TENM2: variants seen among roughly 807,000 people sequenced by gnomAD.
The protein encoded by TENM2 is teneurin transmembrane protein 2.
Under a neutral mutation model 245.2 loss-of-function variants are expected in TENM2, and 52 were observed. The ratio of observed to expected loss-of-function variants is 0.21; its 90% confidence interval spans 0.17 to 0.27. TENM2 has a LOEUF of 0.27. Among genes scored for constraint, TENM2 ranks in the 10% least tolerant of loss-of-function variants. The probability of loss-of-function intolerance (pLI) is 1.00; values close to 1 mark genes in which losing one functional copy is unlikely to be tolerated. For missense variants in TENM2, 3,046 were observed against 3,666.8 expected, an observed-to-expected ratio of 0.83 and a Z score of 4.37; for synonymous variants, 1,363 against 1,438.9, an observed-to-expected ratio of 0.95 and a Z score of 1.19.
chr5:168,262,886 A>G, exon 29 of TENM2: 1 of 1,358,288 alleles, frequency 7.4e-7, no homozygotes, highest in Non-Finnish European at 1.0e-6. Flanking sequence ...AAGGAGATGA[A>G]GACCTAACAG....
intron 3 of TENM2, among the ~76,000 whole-genome samples, chr5:167,921,250 T>C (rs1777347993): frequency 6.6e-6 from 1 of 152,254 alleles, no homozygotes; most frequent in South Asian, 2.1e-4. Context: ...ATATATTTAT[T>C]ACATTTGGAT....
At chr5:167,666,059 C>T (rs1033621066) in intron 2 of TENM2, among the ~76,000 whole-genome samples, 3 of 152,176 alleles carry the variant, frequency 2.0e-5, no homozygotes, top group South Asian at 2.1e-4. Flanking sequence ...AGGCGATTCC[C>T]GTCAGCAAAG....
intron 6 of TENM2, among the ~76,000 whole-genome samples, chr5:168,050,234 C>G (rs1788957528): frequency 6.6e-6 from 1 of 152,154 alleles, no homozygotes; most frequent in Admixed American, 6.5e-5. Flanking sequence ...GATCAGATCT[C>G]TTCTTAAGTG....
intron 9 of TENM2, among the ~76,000 whole-genome samples, chr5:168,109,310 A>G (rs1794489932): frequency 1.3e-5 from 2 of 152,228 alleles, no homozygotes; most frequent in Admixed American, 1.3e-4. Context: ...TTTTGATAAA[A>G]TAGCGTAAGA....
chr5:167,537,187 G>A (rs1339347419), intron 2 of TENM2, among the ~76,000 whole-genome samples: 2 of 147,190 alleles, frequency 1.4e-5, no homozygotes, highest in African/African-American at 5.0e-5. Flanking sequence ...CGAGGTGGGA[G>A]GATCACTTGA....
At chr5:167,163,350 C>A in the TENM2 span, among the ~76,000 whole-genome samples, 1 of 152,296 alleles carries the variant, frequency 6.6e-6, no homozygotes, top group African/African-American at 2.4e-5. Context: ...CTCAGCCTCC[C>A]AAAATGCTGG....
At chr5:167,008,441 A>C in the TENM2 span, among the ~76,000 whole-genome samples, 1 of 152,290 alleles carries the variant, frequency 6.6e-6, no homozygotes, top group East Asian at 1.9e-4. Context: ...CAGCACTGAG[A>C]TTACCAGTCT....
chr5:167,588,463 T>G (rs1246032921), intron 2 of TENM2, among the ~76,000 whole-genome samples: 1 of 152,268 alleles, frequency 6.6e-6, no homozygotes, highest in Non-Finnish European at 1.5e-5. Context: ...AGAATGTAAT[T>G]ATGTAGTGAC....
the TENM2 span, among the ~76,000 whole-genome samples, chr5:167,023,866 C>G: frequency 6.6e-6 from 1 of 152,236 alleles, no homozygotes; most frequent in East Asian, 1.9e-4. Context: ...GGACGGAAAA[C>G]CCAGTATCTG....
chr5:167,929,118 AAAGAAAG>A lies in TENM2; in HGVS notation c.713-23467_713-23461del, dbSNP rs1319774683. ...GAAAGAAAGAAAGAAAGAAAGAAAG[AAAGAAAG>A]AAAGAAAAGAAAGAAGGGAGGGAGG... On this transcript the variant is annotated intron_variant, in intron 3 of 28. Transcript: ENST00000518659. 1.3e-3 allele frequency among the ~76,000 whole-genome samples: 152 copies of A among 113,910 alleles called. No individual in the cohort carries two copies. In the East Asian group the frequency reaches 0.016, roughly 12 times the overall value. The allele number at this position is 113,910 out of a possible 152,430, so 74.7% of individuals were successfully genotyped here.
Position 168,127,031 on chromosome 5 carries a change from G to C in TENM2, c.2422+65G>C, listed in dbSNP as rs561941428. ...TGATGGTCGCGCATGGCAACTGGCT[G>C]TTCCTTCAGGGACACAAGTGCTCTC... On this transcript the variant is annotated intron_variant, in intron 12 of 28. Transcript: ENST00000518659. 6 of 1,347,040 alleles carry C rather than the reference G, an allele frequency of 4.5e-6. No homozygotes were observed. In the East Asian group the frequency reaches 1.3e-4, roughly 28 times the overall value. 83.4% of individuals were successfully genotyped at this position (1,347,040 alleles called of 1,614,324 possible).
intron 2 of TENM2, among the ~76,000 whole-genome samples, chr5:167,682,124 CCCTG>C (rs1169883905): frequency 9.2e-5 from 11 of 119,986 alleles, no homozygotes; most frequent in South Asian, 3.4e-4. Context: ...CTCCCTCCCT[CCCTG>C]CCTGCCTGCC....
intron 27 of TENM2, among the ~76,000 whole-genome samples, chr5:168,250,925 C>A (rs1767056094): frequency 6.6e-6 from 1 of 152,180 alleles, no homozygotes; most frequent in South Asian, 2.1e-4. Flanking sequence ...AGGAAGAGGA[C>A]ATGGAGAGCG....
At chr5:167,037,780 G>T in the TENM2 span, among the ~76,000 whole-genome samples, 4 of 152,174 alleles carry the variant, frequency 2.6e-5, no homozygotes, top group South Asian at 6.2e-4. Context: ...ACTTGTGAAG[G>T]GGCAAAGAAG....
intron 7 of TENM2, 109 bp from the exon 10 acceptor site, chr5:168,090,459 ATGTGCT>A: frequency 1.2e-6 from 1 of 807,442 alleles, no homozygotes. Context: ...TCATAGCAAA[ATGTGCT>A]ACAAAAAAGG....
chr5:167,560,416 T>G (rs1010335109), intron 2 of TENM2, among the ~76,000 whole-genome samples: 1 of 152,134 alleles, frequency 6.6e-6, no homozygotes, highest in Non-Finnish European at 1.5e-5. Context: ...CCTAGCACAG[T>G]GGTACTTGAT....
At chr5:167,304,468 T>C (rs1414096557) in intron 1 of TENM2, among the ~76,000 whole-genome samples, 2 of 152,198 alleles carry the variant, frequency 1.3e-5, no homozygotes, top group African/African-American at 4.8e-5. Context: ...AGTCACTGTG[T>C]AGAACAAAAC....
intron 2 of TENM2, among the ~76,000 whole-genome samples, chr5:167,829,106 T>C: frequency 6.6e-6 from 1 of 152,236 alleles, no homozygotes; most frequent in African/African-American, 2.4e-5. Flanking sequence ...TCTTATTTTC[T>C]TAAATCTTGG....
the TENM2 span, among the ~76,000 whole-genome samples, chr5:167,106,473 C>T: frequency 6.6e-6 from 1 of 152,154 alleles, no homozygotes; most frequent in East Asian, 1.9e-4. Flanking sequence ...GGAGGAAGAA[C>T]TTAGCTGATT....
Sources: allele counts gnomAD v4.1 joint callset (sites outside exome capture counted in the v4.1 genomes callset), GRCh38; gene constraint gnomAD v4.1.1; transcripts MANE v1.5; gene names NCBI Gene and HGNC (gene_info 2026-07-23, HGNC 2026-07-21).